Variants in MYCBP observed in about 807,000 individuals in gnomAD.
MYCBP encodes MYC binding protein.
In MYCBP, 5 loss-of-function variants were observed where a neutral mutation model predicts 16.8. That is an observed-to-expected ratio of 0.30 (90% CI 0.16 to 0.63). The LOEUF (loss-of-function observed/expected upper bound fraction) is 0.63, where lower values mean the gene tolerates loss of function less well. MYCBP is among the 20% of genes least tolerant of loss of function. The pLI is 0.83. For synonymous variants in MYCBP, 35 were observed against 43.7 expected, an observed-to-expected ratio of 0.80 and a Z score of 0.79; for missense variants, 103 against 121.8, an observed-to-expected ratio of 0.85 and a Z score of 0.73.
At chr1:38,864,908 T>C (rs2147913) in intron 4 of MYCBP, among the ~76,000 whole-genome samples, 194 bp from the exon 5 acceptor site, 145,133 of 152,294 alleles carry the variant, frequency 0.95, 69,403 homozygotes, top group African/African-American at 0.99. Flanking sequence ...AAGCCCTTTT[T>C]ATATAAACCT....
At position 38,868,690 on chromosome 1, in the gene MYCBP, A is replaced by G. The variant is rs555494853; in HGVS notation, c.89-1080T>C. 2.2e-3 allele frequency among the ~76,000 whole-genome samples: 332 copies of G among 152,166 alleles called. 1 individual carries two copies. Among genetic ancestry groups the G allele is most frequent in the Non-Finnish European group, 3.5e-3 (240 of 68,000 alleles). On this transcript the variant is annotated intron_variant, in intron 2 of 4. Coordinates refer to ENST00000397572, the MANE Select transcript of MYCBP (RefSeq NM_012333.5). The stretch of plus-strand genomic sequence containing the variant: ...GGAGGCCAAGGCGGGCAGATCACGA[A>G]GTCAGGAGATCAAGACCATCCTGGC...
Position 38,873,080 on chromosome 1 carries a change from G to C in MYCBP, c.26C>G (p.Ser9Trp), listed in dbSNP as rs1306739563. Residue 9 changes from serine (S) to tryptophan (W), a missense_variant, in exon 2 of 5, where the codon TCG becomes TGG. Coordinates refer to ENST00000397572, the MANE Select transcript of MYCBP (RefSeq NM_012333.5). ...GTACCTCCGGAACTGCTCACGCTTC[G>C]AGTCGGCGGCCTGAAGAGACACCGG... MAHYKAAD[S>W]KREQFRRYLE... 3 of 1,562,130 alleles carry C rather than the reference G, an allele frequency of 1.9e-6. No individual in the cohort carries two copies. Among genetic ancestry groups the C allele is most frequent in the East Asian group, 2.4e-5 (1 of 41,416 alleles).
rs1642351789 is a variant in MYCBP, at chr1:38,866,826, A to G, written c.267+54T>C. On this transcript the variant is annotated intron_variant, in intron 4 of 4. Coordinates refer to ENST00000397572, the MANE Select transcript of MYCBP (RefSeq NM_012333.5). ...TGTCCATTTCAGTGAGGTTTTCATC[A>G]TACAATTATTACAGGTAAAATTATT... 3.0e-6 allele frequency: 4 copies of G among 1,351,028 alleles called. No homozygotes were observed. In the East Asian group the frequency reaches 1.0e-4, roughly 34 times the overall value. The allele number at this position is 1,351,028 out of a possible 1,614,324, so 83.7% of individuals were successfully genotyped here.
chr1:38,870,080 G>C (rs1035252973), intron 2 of MYCBP, among the ~76,000 whole-genome samples: 8 of 147,452 alleles, frequency 5.4e-5, no homozygotes, highest in Non-Finnish European at 5.9e-5. Flanking sequence ...TGAGGCAGGA[G>C]AATGGTGTGA....
chr1:38,869,346 C>T (rs911047536), intron 2 of MYCBP, among the ~76,000 whole-genome samples: 1 of 152,068 alleles, frequency 6.6e-6, no homozygotes, highest in African/African-American at 2.4e-5. Flanking sequence ...CCTCAGCCTC[C>T]CAAAGTTCTG....
chr1:38,869,148 G>A (rs111542273), intron 2 of MYCBP, among the ~76,000 whole-genome samples: 3 of 151,080 alleles, frequency 2.0e-5, no homozygotes, highest in African/African-American at 4.9e-5. Context: ...GAGTGCAATG[G>A]CATAATCTTG....
chr1:38,866,750 C>T, intron 4 of MYCBP, 130 bp downstream of exon 4: 1 of 804,354 alleles, frequency 1.2e-6, no homozygotes, highest in Non-Finnish European at 1.9e-6. Context: ...ATAACTTTGG[C>T]CTTACATTGT....
chr1:38,866,781 CA>C, intron 4 of MYCBP, 98 bp downstream of exon 4: 2 of 987,826 alleles, frequency 2.0e-6, no homozygotes, highest in Non-Finnish European at 2.9e-6. Flanking sequence ...AATTGATATT[CA>C]CCCACCTCCC....
rs1271997191 is a variant in MYCBP, at chr1:38,864,007, A to C, written c.*663T>G. On this transcript the variant is annotated 3_prime_UTR_variant, in exon 5 of 5. Coordinates refer to ENST00000397572, the MANE Select transcript of MYCBP (RefSeq NM_012333.5). ...GTAACTGCTATTATTAGGCAAATTG[A>C]AAAACAGCACAGAAAGGCCAGTGTG... is the stretch of plus-strand genomic sequence containing the variant. The C allele has an allele frequency of 6.5e-6, 1 of 152,970 alleles. No homozygotes were observed. Among genetic ancestry groups the C allele is most frequent in the Middle Eastern group, 3.4e-3 (1 of 296 alleles). 9.5% of individuals were successfully genotyped at this position (152,970 alleles called of 1,614,324 possible).
rs1223902371 is a variant in MYCBP at position 38,863,037 on chromosome 1, G to A, written c.*1633C>T. 6.6e-6 allele frequency: 1 copy of A among 152,138 alleles called. No homozygotes were observed. Among genetic ancestry groups the A allele is most frequent in the South Asian group, 2.1e-4 (1 of 4,826 alleles). The allele number at this position is 152,138 out of a possible 1,614,324, so 9.4% of individuals were successfully genotyped here. ...ACAGGTCCTAACCCACACTGTATTTGATTATATACAGTCTCATAATTAAGT... is the reference window on the plus strand; with the variant it reads ...ACAGGTCCTAACCCACACTGTATTTAATTATATACAGTCTCATAATTAAGT... On this transcript the variant is annotated 3_prime_UTR_variant, in exon 5 of 5. Transcript: ENST00000397572.
rs147612932 is a variant in MYCBP, at chr1:38,866,937, G to C, written c.210C>G (p.Ala70=). 1 of 1,595,796 alleles carries C rather than the reference G, an allele frequency of 6.3e-7. No individual in the cohort carries two copies. Among genetic ancestry groups the C allele is most frequent in the Non-Finnish European group, 8.5e-7 (1 of 1,173,108 alleles). The part of the protein sequence containing the change: ...PEIELLRLEL[A]EMKEKYEAIV... ...TAGCTTCATACTTCTCTTTCATTTCGGCCAGTTCTAGGCGAAGCAGCTCTA... is the reference window on the plus strand; with the variant it reads ...TAGCTTCATACTTCTCTTTCATTTCCGCCAGTTCTAGGCGAAGCAGCTCTA... The change falls in exon 4 of 5, where the codon GCC becomes GCG. Residue 70 remains alanine, a synonymous_variant. Coordinates refer to ENST00000397572, the MANE Select transcript of MYCBP (RefSeq NM_012333.5).
Position 38,863,883 on chromosome 1 carries a change from C to A in MYCBP, c.*787G>T. The stretch of plus-strand genomic sequence containing the variant: ...TCTCATCTCAGCTTGTGTGTGAACC[C>A]AGAGTTGTATATTGCCTCTGTCCTG... On this transcript the variant is annotated 3_prime_UTR_variant, in exon 5 of 5. Coordinates refer to ENST00000397572, the MANE Select transcript of MYCBP (RefSeq NM_012333.5). 1 of 152,496 alleles carries A rather than the reference C, an allele frequency of 6.6e-6. No homozygotes were observed. The allele number at this position is 152,496 out of a possible 1,614,324, so 9.4% of individuals were successfully genotyped here. A position where few individuals can be genotyped will look rare whatever the true frequency, so the allele number is the denominator to read the frequency against.
At chr1:38,873,242 G>A in intron 1 of MYCBP, 49 bp downstream of exon 1, 1 of 1,595,114 alleles carries the variant, frequency 6.3e-7, no homozygotes. Flanking sequence ...GAGCCGACCA[G>A]CGGCTTGCTA....
chr1:38,873,189 G>A (rs1327792338), intron 1 of MYCBP, 99 bp from the exon 2 acceptor site: 1 of 1,559,130 alleles, frequency 6.4e-7, no homozygotes, highest in East Asian at 2.4e-5. Flanking sequence ...CTACCTCGGG[G>A]CCCTCCCGCC....
At chr1:38,867,137 CA>C (rs1413813479) in intron 3 of MYCBP, 128 bp from the exon 4 acceptor site, 22 of 925,676 alleles carry the variant, frequency 2.4e-5, no homozygotes, top group Admixed American at 5.8e-5. Context: ...GATCACCATC[CA>C]AAAACTCAAG....
intron 2 of MYCBP, among the ~76,000 whole-genome samples, chr1:38,869,642 C>T (rs966961961): frequency 1.3e-5 from 2 of 152,174 alleles, no homozygotes; most frequent in Non-Finnish European, 2.9e-5. Context: ...GTTGATATAG[C>T]GCTCAAAATA....
intron 3 of MYCBP, among the ~76,000 whole-genome samples, chr1:38,867,224 A>G (rs1232090251): frequency 6.6e-6 from 1 of 152,184 alleles, no homozygotes; most frequent in Non-Finnish European, 1.5e-5. Context: ...AGGTGGGCAC[A>G]TCACGAGGTC....
chr1:38,872,472 T>C (rs1557597321), intron 2 of MYCBP: 1 of 146,414 alleles, frequency 6.8e-6, no homozygotes, highest in Admixed American at 6.7e-5. Flanking sequence ...CTTTAAGCTG[T>C]AATTCTACTT....
intron 4 of MYCBP, among the ~76,000 whole-genome samples, chr1:38,866,044 C>CT (rs71057153): frequency 0.22 from 14,108 of 65,302 alleles, 2,133 homozygotes; most frequent in Middle Eastern, 0.47. Flanking sequence ...CTAAGAACCT[C>CT]TTTTTTTTTT....
Sources: gnomAD v4.1 joint callset for allele counts (sites outside exome capture counted in the v4.1 genomes callset) on GRCh38, gnomAD v4.1.1 for gene constraint, MANE v1.5 for transcripts, NCBI Gene and HGNC (gene_info 2026-07-23, HGNC 2026-07-21) for gene names.